The following MAGI2 variants were observed in gnomAD, a reference collection of about 807,000 sequenced individuals.
MAGI2 encodes the protein membrane associated guanylate kinase, WW and PDZ domain containing 2, also known as membrane-associated guanylate kinase, WW and PDZ domain-containing protein 2.
Under a neutral mutation model 133.3 loss-of-function variants are expected in MAGI2, and 35 were observed. That is an observed-to-expected ratio of 0.26 (90% CI 0.20 to 0.35). The LOEUF is 0.35. Among genes scored for constraint, MAGI2 ranks in the 10% least tolerant of loss-of-function variants. The probability of loss-of-function intolerance (pLI) is 1.00; values close to 1 mark genes in which losing one functional copy is unlikely to be tolerated. For missense variants in MAGI2, 1,636 were observed against 1,863.4 expected, an observed-to-expected ratio of 0.88 and a Z score of 2.25; for synonymous variants, 729 against 710.6, an observed-to-expected ratio of 1.03 and a Z score of -0.41.
At chr7:78,388,275 T>TATCATC (rs75353734) in intron 6 of MAGI2, among the ~76,000 whole-genome samples, 2,578 of 143,552 alleles carry the variant, frequency 0.018, 70 homozygotes, top group African/African-American at 0.061. Flanking sequence ...GCTCCACTGT[T>TATCATC]ATCATCATCA....
chr7:79,070,565 C>T (rs1814860889), intron 1 of MAGI2, among the ~76,000 whole-genome samples: 1 of 151,860 alleles, frequency 6.6e-6, no homozygotes, highest in African/African-American at 2.4e-5. Context: ...GATCTCGGCT[C>T]ACTGCAAGCT....
intron 2 of MAGI2, among the ~76,000 whole-genome samples, chr7:78,699,383 G>A (rs1563372644): frequency 6.6e-6 from 1 of 152,138 alleles, no homozygotes; most frequent in Admixed American, 6.6e-5. Context: ...TTACTAGTGT[G>A]AGCCACCACA....
chr7:78,802,928 TAAAA>T (rs34471936), intron 2 of MAGI2, among the ~76,000 whole-genome samples: 1 of 144,482 alleles, frequency 6.9e-6, no homozygotes, highest in East Asian at 2.0e-4. Flanking sequence ...TAAAATCTAT[TAAAA>T]AAAAAAAAGA....
chr7:78,116,026 C>T (rs1172587855), intron 20 of MAGI2, among the ~76,000 whole-genome samples: 1 of 152,174 alleles, frequency 6.6e-6, no homozygotes, highest in Non-Finnish European at 1.5e-5. Context: ...ACATTCTTTC[C>T]AAGCACACAT....
chr7:79,109,721 G>A (rs1480796512), intron 1 of MAGI2, among the ~76,000 whole-genome samples: 2 of 152,142 alleles, frequency 1.3e-5, no homozygotes, highest in Non-Finnish European at 2.9e-5. Context: ...TAATTAAGAA[G>A]GAGCTGAGTG....
At chr7:79,437,624 C>G (rs917720234) in intron 1 of MAGI2, among the ~76,000 whole-genome samples, 4 of 151,950 alleles carry the variant, frequency 2.6e-5, no homozygotes, top group African/African-American at 9.7e-5. Flanking sequence ...AAATTTGCTC[C>G]AAGTATAGCC....
chr7:78,751,456 G>A (rs986491640), intron 2 of MAGI2, among the ~76,000 whole-genome samples: 7 of 152,130 alleles, frequency 4.6e-5, no homozygotes, highest in Admixed American at 2.0e-4. Flanking sequence ...AACCTCACAC[G>A]AATGACCTAA....
At chr7:78,597,374 T>TGGG (rs60023774) in intron 3 of MAGI2, among the ~76,000 whole-genome samples, 5 of 142,484 alleles carry the variant, frequency 3.5e-5, no homozygotes, top group African/African-American at 1.0e-4. Flanking sequence ...ATGAATTCCT[T>TGGG]GGGGGGGGGG....
intron 2 of MAGI2, among the ~76,000 whole-genome samples, chr7:78,782,956 A>G (rs968333530): frequency 1.4e-5 from 2 of 146,882 alleles, no homozygotes; most frequent in African/African-American, 5.0e-5. Flanking sequence ...GGTAAATGAG[A>G]TTCCTTATCT....
chr7:79,167,586 A>T (rs1825071908), intron 1 of MAGI2, among the ~76,000 whole-genome samples: 1 of 151,904 alleles, frequency 6.6e-6, no homozygotes, highest in African/African-American at 2.4e-5. Flanking sequence ...TTTTCAATTC[A>T]TTGTTACGTG....
rs560152992 is a variant in MAGI2, at chr7:78,846,300, G to A, written c.418+160790C>T. Among the ~76,000 whole-genome samples the A allele has an allele frequency of 4.4e-4, 67 of 152,050 alleles. 1 individual carries two copies. Among genetic ancestry groups the A allele is most frequent in the South Asian group, 8.3e-4 (4 of 4,824 alleles). On this transcript the variant is annotated intron_variant, in intron 2 of 21. Transcript: ENST00000354212. ...CCTTTTTCAAAGTGGACTAAATTTAGTTATACTTGCATCTCATTTCTTAGG... is the reference window on the plus strand; with the variant it reads ...CCTTTTTCAAAGTGGACTAAATTTAATTATACTTGCATCTCATTTCTTAGG...
chr7:78,300,917 T>G (rs117667327), intron 9 of MAGI2, among the ~76,000 whole-genome samples: 2 of 152,328 alleles, frequency 1.3e-5, no homozygotes, highest in Non-Finnish European at 2.9e-5. Context: ...TTATTACAAA[T>G]TATCAAAGAG....
In MAGI2 at chr7:78,258,866, A is replaced by G. The variant is rs146112475; in HGVS notation, c.1409-2285T>C. ...TGTTAATGGACACCGGAGTTATGAC[A>G]AATCTGTGGCTATTGAAAATAACTC... On this transcript the variant is annotated intron_variant, in intron 9 of 21. Coordinates refer to ENST00000354212, the MANE Select transcript of MAGI2 (RefSeq NM_012301.4). 1.1e-3 allele frequency among the ~76,000 whole-genome samples: 162 copies of G among 152,288 alleles called. 3 individuals carry two copies. The East Asian group carries it at 0.028, about 27-fold the overall frequency.
At chr7:78,318,019 C>A (rs547988193) in intron 9 of MAGI2, among the ~76,000 whole-genome samples, 1 of 152,172 alleles carries the variant, frequency 6.6e-6, no homozygotes, top group African/African-American at 2.4e-5. Flanking sequence ...TGAGGAGAAA[C>A]CAGCGCAAAA....
chr7:78,884,721 G>A (rs1796134604), intron 2 of MAGI2, among the ~76,000 whole-genome samples: 1 of 152,126 alleles, frequency 6.6e-6, no homozygotes. Flanking sequence ...CACTTTTGGT[G>A]GAAATGTAAA....
At chr7:78,062,433 T>G (rs1199190735) in intron 21 of MAGI2, among the ~76,000 whole-genome samples, 1 of 152,218 alleles carries the variant, frequency 6.6e-6, no homozygotes, top group Non-Finnish European at 1.5e-5. Flanking sequence ...TCCTCTCCAC[T>G]CCTTTTCTAA....
chr7:78,469,902 C>G (rs1470388332), intron 6 of MAGI2, among the ~76,000 whole-genome samples: 1 of 152,104 alleles, frequency 6.6e-6, no homozygotes, highest in Non-Finnish European at 1.5e-5. Context: ...TGTTTTTCTT[C>G]CATGTCTACC....
chr7:78,540,039 C>T (rs1208825447), intron 3 of MAGI2, among the ~76,000 whole-genome samples: 1 of 152,178 alleles, frequency 6.6e-6, no homozygotes, highest in Non-Finnish European at 1.5e-5. Context: ...GTGGCGCTTT[C>T]AAGAGCGCAT....
chr7:78,532,965 G>A (rs1305441705), intron 3 of MAGI2, among the ~76,000 whole-genome samples: 1 of 148,632 alleles, frequency 6.7e-6, no homozygotes, highest in Non-Finnish European at 1.5e-5. Context: ...TTTTTGAGAT[G>A]GAGTCTTGCT....
Sources: gnomAD v4.1 joint callset for allele counts (sites outside exome capture counted in the v4.1 genomes callset) on GRCh38, gnomAD v4.1.1 for gene constraint, MANE v1.5 for transcripts, NCBI Gene and HGNC (gene_info 2026-07-23, HGNC 2026-07-21) for gene names.